GLT8D2: variants seen among roughly 807,000 people sequenced by gnomAD.
GLT8D2 encodes glycosyltransferase 8 domain-containing protein 2.
A neutral mutation model predicts 44.5 loss-of-function variants in GLT8D2; 45 were observed. The ratio of observed to expected loss-of-function variants is 1.01; its 90% confidence interval spans 0.80 to 1.30. GLT8D2 has a LOEUF of 1.30. Ranked by LOEUF, GLT8D2 falls within the 50% of genes most tolerant of loss-of-function variation. The pLI is 0.00. For synonymous variants in GLT8D2, 156 were observed against 157.2 expected (o/e 0.99, Z 0.06); for missense variants, 400 against 430.4 (o/e 0.93, Z 0.62).
chr12:104,057,349 C>T (rs981306069), intron 1 of GLT8D2, among the ~76,000 whole-genome samples: 2 of 151,888 alleles, frequency 1.3e-5, no homozygotes, highest in Non-Finnish European at 2.9e-5. Context: ...AGGGAGACCC[C>T]GTCTCTACAA....
At chr12:103,998,941 G>A (rs1873848402) in intron 6 of GLT8D2, among the ~76,000 whole-genome samples, 1 of 152,182 alleles carries the variant, frequency 6.6e-6, no homozygotes, top group East Asian at 1.9e-4. Flanking sequence ...AAGAGATGGT[G>A]TCTCCTGAAT....
chr12:104,031,213 C>G (rs894446026), intron 1 of GLT8D2: 43 of 1,611,198 alleles, frequency 2.7e-5, no homozygotes, highest in Middle Eastern at 1.7e-4. Flanking sequence ...ATGCAGACCT[C>G]ACAGAAGATC....
chr12:104,005,176 C>T (rs1874814995), intron 4 of GLT8D2, among the ~76,000 whole-genome samples: 1 of 152,160 alleles, frequency 6.6e-6, no homozygotes, highest in African/African-American at 2.4e-5. Flanking sequence ...ACTGGCTAGC[C>T]ATATGTAGAA....
At chr12:103,996,943 G>A (rs1593528938) in intron 7 of GLT8D2, 96 bp from the exon 8 acceptor site, 1 of 750,896 alleles carries the variant, frequency 1.3e-6, no homozygotes, top group Non-Finnish European at 2.2e-6. Context: ...TTTGCTATGG[G>A]AGAAGAGTAT....
rs1396621372 is a variant in GLT8D2, at chr12:103,996,846, ACCTGAATTTAG to A, written c.488-10_488del. ...TGGTGTCATACAGTTCTTGGATATC[ACCTGAATTTAG>A]AAACACCACCAAGTAAAACATTATA... is the stretch of plus-strand genomic sequence containing the variant. On this transcript the variant is annotated splice_acceptor_variant and splice_polypyrimidine_tract_variant and coding_sequence_variant and intron_variant, in exon 8 of 11. Transcript: ENST00000360814. LOFTEE classifies it high-confidence loss of function. 3.1e-6 allele frequency: 5 copies of A among 1,607,976 alleles called. No homozygotes were observed. Among genetic ancestry groups the A allele is most frequent in the Non-Finnish European group, 4.3e-6 (5 of 1,176,068 alleles).
At chr12:104,021,935 A>G (rs28478545) in intron 1 of GLT8D2, among the ~76,000 whole-genome samples, 1,113 of 22,590 alleles carry the variant, frequency 0.049, 66 homozygotes, top group East Asian at 0.29. Flanking sequence ...AAGAAGAAGA[A>G]GAAGAAGAAG....
chr12:104,001,965 C>T (rs1283877921), intron 5 of GLT8D2, among the ~76,000 whole-genome samples: 4 of 152,102 alleles, frequency 2.6e-5, no homozygotes, highest in East Asian at 1.9e-4. Flanking sequence ...TTAGCCACTG[C>T]GCCCAGCCTT....
Position 104,019,653 on chromosome 12 carries a change from A to T in GLT8D2, c.-5T>A. 1 of 1,610,292 alleles carries T rather than the reference A, an allele frequency of 6.2e-7. No homozygotes were observed. Among genetic ancestry groups the T allele is most frequent in the East Asian group, 2.2e-5 (1 of 44,810 alleles). On this transcript the variant is annotated 5_prime_UTR_variant, in exon 3 of 11. Coordinates refer to ENST00000360814, the MANE Select transcript of GLT8D2 (RefSeq NM_001384711.1). ...ACTTTTTCGTAACAGAGCCATGTGT[A>T]TTCACGCGGATAAGAACTGTAACCT...
At chr12:104,020,734 G>C (rs1877519711) in intron 2 of GLT8D2, among the ~76,000 whole-genome samples, 1 of 152,174 alleles carries the variant, frequency 6.6e-6, no homozygotes, top group Admixed American at 6.5e-5. Context: ...GCAAGAGCCA[G>C]TCAAGGGCAG....
chr12:104,013,624 A>G (rs1248485177), intron 4 of GLT8D2, among the ~76,000 whole-genome samples: 6 of 152,218 alleles, frequency 3.9e-5, no homozygotes, highest in Non-Finnish European at 7.3e-5. Flanking sequence ...ATTACAAAAT[A>G]TAATCAGAAA....
At chr12:104,041,960 C>A (rs575230285) in intron 1 of GLT8D2, among the ~76,000 whole-genome samples, 1 of 152,190 alleles carries the variant, frequency 6.6e-6, no homozygotes, top group African/African-American at 2.4e-5. Context: ...CTTACTAGAA[C>A]GCAAGCTCCA....
chr12:104,023,322 A>G (rs188747249), intron 1 of GLT8D2, among the ~76,000 whole-genome samples: 36 of 152,250 alleles, frequency 2.4e-4, no homozygotes, highest in African/African-American at 8.2e-4. Flanking sequence ...ATTGCTATGC[A>G]TACTATTTCT....
chr12:104,063,359 C>A (rs1451901044), intron 1 of GLT8D2, among the ~76,000 whole-genome samples: 1 of 152,050 alleles, frequency 6.6e-6, no homozygotes, highest in Non-Finnish European at 1.5e-5. Flanking sequence ...ATGTGTAGGA[C>A]CAAATCACAG....
intron 1 of GLT8D2, among the ~76,000 whole-genome samples, chr12:104,030,500 A>T (rs1006982571): frequency 1.3e-5 from 2 of 152,090 alleles, no homozygotes; most frequent in Non-Finnish European, 2.9e-5. Flanking sequence ...TGAATATGAC[A>T]CCAAAAGCAC....
At chr12:104,035,058 A>T (rs1392334720) in intron 1 of GLT8D2, among the ~76,000 whole-genome samples, 1 of 152,210 alleles carries the variant, frequency 6.6e-6, no homozygotes, top group African/African-American at 2.4e-5. Context: ...ACTCCAACAG[A>T]CCTACAGCTA....
intron 10 of GLT8D2, among the ~76,000 whole-genome samples, chr12:103,993,097 G>A (rs1270871047): frequency 6.6e-6 from 1 of 152,122 alleles, no homozygotes; most frequent in Admixed American, 6.5e-5. Context: ...TTGGGAGGCC[G>A]AAATGGGTGG....
intron 1 of GLT8D2, among the ~76,000 whole-genome samples, chr12:104,034,182 C>T (rs1342481549): frequency 1.3e-5 from 2 of 152,264 alleles, no homozygotes; most frequent in East Asian, 3.9e-4. Context: ...TCCAAGATGG[C>T]TGAATAGGAA....
At position 104,015,393 on chromosome 12, in the gene GLT8D2, AACACACACACACACACACACAC is replaced by A. The variant is rs55732553; in HGVS notation, c.20-310_20-289del. Reference sequence around the variant, plus strand: ...GTGGGACCCTGTCTCAACAACAACAAACACACACACACACACACACACACACACACACACACACACACAAATT... The same window carrying A: ...GTGGGACCCTGTCTCAACAACAACAAACACACACACACACACACACAAATT... On this transcript the variant is annotated intron_variant, in intron 3 of 10. Coordinates refer to ENST00000360814, the MANE Select transcript of GLT8D2 (RefSeq NM_001384711.1). Among the ~76,000 whole-genome samples the A allele has an allele frequency of 2.4e-3, 299 of 126,184 alleles. 1 individual carries two copies. Among genetic ancestry groups the A allele is most frequent in the African/African-American group, 8.6e-3 (264 of 30,840 alleles). 82.8% of individuals were successfully genotyped at this position (126,184 alleles called of 152,430 possible). A position where few individuals can be genotyped will look rare whatever the true frequency, so the allele number is the denominator to read the frequency against.
intron 4 of GLT8D2, among the ~76,000 whole-genome samples, chr12:104,006,073 G>T (rs1874962764): frequency 6.6e-6 from 1 of 152,162 alleles, no homozygotes; most frequent in Non-Finnish European, 1.5e-5. Context: ...ATGAGTTCAT[G>T]TCCTTTGTAG....
Sources: allele counts gnomAD v4.1 joint callset (sites outside exome capture counted in the v4.1 genomes callset), GRCh38; gene constraint gnomAD v4.1.1; transcripts MANE v1.5; gene names NCBI Gene and HGNC (gene_info 2026-07-23, HGNC 2026-07-21).